Variants in SV2C observed in about 807,000 individuals in gnomAD.
The protein encoded by SV2C is solute carrier family 22 member B3.
A neutral mutation model predicts 79.7 loss-of-function variants in SV2C; 49 were observed. That is an observed-to-expected ratio of 0.61 (90% CI 0.49 to 0.78). The LOEUF (loss-of-function observed/expected upper bound fraction) is 0.78. Ranked by LOEUF, SV2C falls within the 30% of genes least tolerant of loss-of-function variation. The probability of loss-of-function intolerance (pLI) is 0.00; values close to 1 mark genes in which losing one functional copy is unlikely to be tolerated. For missense variants in SV2C, 833 were observed against 912.9 expected, an observed-to-expected ratio of 0.91 and a Z score of 1.13; for synonymous variants, 334 against 333.2, an observed-to-expected ratio of 1.00 and a Z score of -0.03.
intron 4 of SV2C, among the ~76,000 whole-genome samples, chr5:76,256,639 T>A (rs1287764944): frequency 6.6e-6 from 1 of 152,360 alleles, no homozygotes; most frequent in East Asian, 1.9e-4. Flanking sequence ...TGTGGTACTT[T>A]TAAAAACTCA....
In SV2C at chr5:76,301,384, A is replaced by G. The variant is rs1227295045; in HGVS notation, c.1841-2A>G. ...CCAGCCTTTTGTCTGCATTGTTGGC[A>G]GGTGGCTCTATGGTGCTTTCGGGGA... is the stretch of plus-strand genomic sequence containing the variant. On this transcript the variant is annotated splice_acceptor_variant, in intron 11 of 12. Transcript: ENST00000502798. LOFTEE classifies it high-confidence loss of function. The G allele has an allele frequency of 6.2e-7, 1 of 1,613,824 alleles. No individual in the cohort carries two copies. The highest frequency in any genetic ancestry group is 8.5e-7 in the Non-Finnish European group (1 of 1,179,928).
chr5:75,910,656 ATGCC>A, the SV2C span: 6,558 of 1,050,696 alleles, frequency 6.2e-3, 271 homozygotes, highest in African/African-American at 0.09. Context: ...GCAGTGCAGA[ATGCC>A]AAGAAGAAAG....
the SV2C span, among the ~76,000 whole-genome samples, chr5:76,037,868 T>C: frequency 2.5e-4 from 38 of 152,266 alleles, no homozygotes; most frequent in Non-Finnish European, 4.7e-4. Context: ...CAGTTTGATC[T>C]GACTGCTGTG....
intron 2 of SV2C, among the ~76,000 whole-genome samples, chr5:76,184,463 G>A (rs143706271): frequency 1.5e-4 from 23 of 152,304 alleles, no homozygotes; most frequent in African/African-American, 4.3e-4. Context: ...GTATTAGTCC[G>A]TTCTCATACT....
At chr5:76,308,662 T>C (rs1748295310) in intron 12 of SV2C, among the ~76,000 whole-genome samples, 1 of 143,350 alleles carries the variant, frequency 7.0e-6, no homozygotes, top group Non-Finnish European at 1.6e-5. Flanking sequence ...TGGCAACTTG[T>C]TCGATTCCAA....
At chr5:76,147,445 A>G (rs143353440) in intron 2 of SV2C, among the ~76,000 whole-genome samples, 1 of 151,728 alleles carries the variant, frequency 6.6e-6, no homozygotes, top group Non-Finnish European at 1.5e-5. Context: ...CAGGATGCAT[A>G]TGTGGTCCCA....
chr5:76,324,979 T>C (rs908252076), intron 12 of SV2C, among the ~76,000 whole-genome samples: 12 of 152,270 alleles, frequency 7.9e-5, no homozygotes, highest in Non-Finnish European at 1.6e-4. Flanking sequence ...ACTATTACTA[T>C]GCCACTGCAC....
chr5:76,174,219 C>G (rs1743445768), intron 2 of SV2C: 3 of 1,598,118 alleles, frequency 1.9e-6, no homozygotes, highest in Non-Finnish European at 2.6e-6. Flanking sequence ...CTCTGCGAAC[C>G]TCTCACGCTG....
chr5:76,058,356 G>A, the SV2C span, among the ~76,000 whole-genome samples: 1 of 152,070 alleles, frequency 6.6e-6, no homozygotes, highest in Non-Finnish European at 1.5e-5. Context: ...CATCAACCCT[G>A]GAAAAAACTT....
At chr5:76,076,956 A>G in the SV2C span, among the ~76,000 whole-genome samples, 1 of 152,194 alleles carries the variant, frequency 6.6e-6, no homozygotes, top group African/African-American at 2.4e-5. Flanking sequence ...CCCTCACGTT[A>G]AAAAGGCAAC....
chr5:76,035,874 G>A, the SV2C span, among the ~76,000 whole-genome samples: 1 of 151,996 alleles, frequency 6.6e-6, no homozygotes. Flanking sequence ...TTAGTGTGTG[G>A]GAGTCTAAGT....
chr5:76,099,046 A>G (rs1417234397), intron 1 of SV2C, among the ~76,000 whole-genome samples: 1 of 152,124 alleles, frequency 6.6e-6, no homozygotes, highest in Admixed American at 6.6e-5. Context: ...ACCATATTAT[A>G]TATTATTACC....
At chr5:76,181,247 G>A (rs976856095) in intron 2 of SV2C, among the ~76,000 whole-genome samples, 2 of 152,322 alleles carry the variant, frequency 1.3e-5, no homozygotes, top group African/African-American at 4.8e-5. Flanking sequence ...ACACCCATCT[G>A]TTTACATGTT....
chr5:76,145,559 C>T (rs1749393739), intron 2 of SV2C, among the ~76,000 whole-genome samples: 1 of 152,200 alleles, frequency 6.6e-6, no homozygotes, highest in African/African-American at 2.4e-5. Flanking sequence ...GTCTGTGTGT[C>T]CCCTTTTCTG....
the SV2C span, among the ~76,000 whole-genome samples, chr5:76,013,878 A>C: frequency 3.9e-5 from 6 of 152,176 alleles, no homozygotes; most frequent in Non-Finnish European, 8.8e-5. Flanking sequence ...CGAGAAACAA[A>C]GTGCAACTTT....
the SV2C span, among the ~76,000 whole-genome samples, chr5:76,073,511 A>G: frequency 7.4e-4 from 61 of 82,110 alleles, 1 homozygote; most frequent in African/African-American, 2.6e-3. Flanking sequence ...GTGTATATAT[A>G]TATATATATA....
At chr5:75,984,547 A>G in the SV2C span, among the ~76,000 whole-genome samples, 14 of 120,434 alleles carry the variant, frequency 1.2e-4, no homozygotes, top group South Asian at 2.8e-3. Flanking sequence ...CTATCTATCT[A>G]TCTATCTATC....
the SV2C span, among the ~76,000 whole-genome samples, chr5:75,908,867 G>A: frequency 9.2e-5 from 14 of 152,240 alleles, no homozygotes; most frequent in East Asian, 7.7e-4. Context: ...CAGCATAATC[G>A]TGTATAATAA....
At chr5:75,906,279 G>C in the SV2C span, among the ~76,000 whole-genome samples, 1 of 152,150 alleles carries the variant, frequency 6.6e-6, no homozygotes, top group Admixed American at 6.5e-5. Flanking sequence ...TAAGCCACTC[G>C]ATTGGTGATA....
Sources: gnomAD v4.1 joint callset for allele counts (sites outside exome capture counted in the v4.1 genomes callset) on GRCh38, gnomAD v4.1.1 for gene constraint, MANE v1.5 for transcripts, NCBI Gene and HGNC (gene_info 2026-07-23, HGNC 2026-07-21) for gene names.